TOP3A: variants seen among roughly 807,000 people sequenced by gnomAD.
TOP3A encodes DNA topoisomerase III alpha, also known as DNA topoisomerase 3-alpha.
TOP3A carries 64 observed loss-of-function variants against 111.3 expected under a neutral mutation model. The observed-to-expected ratio is 0.57, with a 90% CI of 0.47 to 0.71. The LOEUF (loss-of-function observed/expected upper bound fraction) is 0.71, where lower values mean the gene tolerates loss of function less well. Among genes scored for constraint, TOP3A ranks in the 30% least tolerant of loss-of-function variants. The pLI, the probability that TOP3A is intolerant of heterozygous loss-of-function variation, is 0.00. For synonymous variants in TOP3A, 484 were observed against 485.1 expected (o/e 1.00, Z 0.03); for missense variants, 1,104 against 1,285.0 (o/e 0.86, Z 2.15).
Position 18,306,916 on chromosome 17 carries a change from C to A in TOP3A, c.365G>T (p.Cys122Phe). 1 of 1,613,794 alleles carries A rather than the reference C, an allele frequency of 6.2e-7. No homozygotes were observed. Among genetic ancestry groups the A allele is most frequent in the East Asian group, 2.2e-5 (1 of 44,868 alleles). The change falls in exon 4 of 19, where the codon TGC (cysteine) becomes TTC (phenylalanine). Residue 122 changes from cysteine (C) to phenylalanine (F), a missense_variant. Coordinates refer to ENST00000321105, the MANE Select transcript of TOP3A (RefSeq NM_004618.5). ...CTTGATGTCTACAAAATTCTCTGGG[C>A]AGTACTTTTCAATTTCTGCTTCAAA... ...VLFEAEIEKY[C>F]PENFVDIKKT...
At chr17:18,302,473 G>A (rs1486805797) in intron 6 of TOP3A, 39 bp from the exon 7 acceptor site, 1 of 1,595,514 alleles carries the variant, frequency 6.3e-7, no homozygotes, top group Non-Finnish European at 8.6e-7. Context: ...TGAAAATGAT[G>A]GATAATGAGA....
Position 18,282,830 on chromosome 17 carries a change from G to C in TOP3A, c.1889C>G (p.Ala630Gly), listed in dbSNP as rs754132499. ...AVAKAKKLDE[A>G]LAQYFGNGTE... is the part of the protein sequence containing the mutation. The stretch of plus-strand genomic sequence containing the variant: ...CCCATTCCCAAAGTACTGGGCCAAG[G>C]CCTCGTCCAATCTGAAGAAAAGGCA... Residue 630 changes from alanine to glycine, a missense_variant, in exon 16 of 19, where the codon GCC (alanine) becomes GGC (glycine). Physicochemically the swap from Ala to Gly is moderately conservative, Grantham distance 60. Transcript: ENST00000321105. The C allele has an allele frequency of 2.5e-6, 4 of 1,613,946 alleles. No homozygotes were observed. Among genetic ancestry groups the C allele is most frequent in the Admixed American group, 1.7e-5 (1 of 59,996 alleles).
rs150782687 is a variant in TOP3A, at chr17:18,278,336, G to A, written c.2166C>T (p.Arg722=). ...GAGGCATGGTCGGGGGAAGGCTACC[G>A]CGCTTAAACTTTAACTTTAACCTAG... ...PVYRLKLKFK[R]GSLPPTMPLE... Residue 722 remains arginine (R), a synonymous_variant, in exon 18 of 19, where the codon CGC becomes CGT. Transcript: ENST00000321105. 1.9e-4 allele frequency: 285 copies of A among 1,513,488 alleles called. 2 individuals carry two copies. In the African/African-American group the frequency reaches 3.1e-3, roughly 16 times the overall value. The allele number at this position is 1,513,488 out of a possible 1,614,324, so 93.8% of individuals were successfully genotyped here.
intron 13 of TOP3A, among the ~76,000 whole-genome samples, chr17:18,289,819 T>C (rs1333719970): frequency 5.9e-5 from 9 of 152,230 alleles, no homozygotes; most frequent in South Asian, 2.1e-4. Context: ...TCCCAAGTCA[T>C]AGGCCTAAGA....
chr17:18,310,273 A>C lies in TOP3A; in HGVS notation c.181-1332T>G, dbSNP rs556069586. Among the ~76,000 whole-genome samples, 357 of 151,910 alleles carry C rather than the reference A, an allele frequency of 2.4e-3. 2 individuals are homozygous for C. The highest frequency in any genetic ancestry group is 4.1e-3 in the Non-Finnish European group (280 of 67,958). ...AACCCTGTCTCTACTAAAAATACAA[A>C]AAATTAGCTGGGCGTGGTGGTGGGT... On this transcript the variant is annotated intron_variant, in intron 1 of 18. Transcript: ENST00000321105.
chr17:18,295,518 G>A (rs1166343404), intron 9 of TOP3A, among the ~76,000 whole-genome samples: 1 of 152,138 alleles, frequency 6.6e-6, no homozygotes, highest in Non-Finnish European at 1.5e-5. Context: ...CTGCAGGGCA[G>A]TGGCACGATC....
chr17:18,279,731 A>G (rs1001287879), intron 17 of TOP3A, among the ~76,000 whole-genome samples: 3 of 152,108 alleles, frequency 2.0e-5, no homozygotes. Flanking sequence ...CTGTCATTCC[A>G]GGCTGGAGAG....
chr17:18,307,336 C>T (rs1427437361), intron 3 of TOP3A: 2 of 164,194 alleles, frequency 1.2e-5, no homozygotes, highest in Non-Finnish European at 2.7e-5. Context: ...TGGTAGCTCA[C>T]GCCTGTAATC....
At chr17:18,298,389 C>T (rs1597977051) in intron 9 of TOP3A, among the ~76,000 whole-genome samples, 1 of 142,536 alleles carries the variant, frequency 7.0e-6, no homozygotes, top group South Asian at 2.2e-4. Flanking sequence ...GTGGGGGGGT[C>T]AGCCCCCCAC....
intron 1 of TOP3A, among the ~76,000 whole-genome samples, chr17:18,309,766 G>A (rs1172452934): frequency 7.1e-6 from 1 of 141,178 alleles, no homozygotes; most frequent in Non-Finnish European, 1.5e-5. Flanking sequence ...CTGGAGTCCA[G>A]TGGCGTGATC....
At chr17:18,298,797 G>A (rs906807659) in intron 9 of TOP3A, among the ~76,000 whole-genome samples, 3 of 152,138 alleles carry the variant, frequency 2.0e-5, no homozygotes, top group African/African-American at 7.2e-5. Context: ...ATCCACTCAG[G>A]GTTGAATGAA....
chr17:18,300,025 G>A (rs1981127066), intron 8 of TOP3A, among the ~76,000 whole-genome samples: 1 of 152,128 alleles, frequency 6.6e-6, no homozygotes, highest in African/African-American at 2.4e-5. Flanking sequence ...GAAGTCCTGG[G>A]CTCAAGCAAT....
At chr17:18,314,174 G>T (rs890473058) in intron 1 of TOP3A, among the ~76,000 whole-genome samples, 4 of 152,200 alleles carry the variant, frequency 2.6e-5, no homozygotes, top group Admixed American at 1.3e-4. Context: ...GGAGGGCTAG[G>T]TTGGCTGGGG....
chr17:18,302,282 T>C lies in TOP3A; in HGVS notation c.796A>G (p.Ile266Val). 1 of 1,610,770 alleles carries C rather than the reference T, an allele frequency of 6.2e-7. No individual in the cohort carries two copies. The highest frequency in any genetic ancestry group is 8.5e-7 in the Non-Finnish European group (1 of 1,179,252). The change falls in exon 7 of 19, where the codon ATC becomes GTC. Residue 266 changes from isoleucine to valine, a missense_variant. Ile to Val is a conservative substitution (Grantham distance 29, BLOSUM62 3). Transcript: ENST00000321105. ...GCCCTACCTTTAATTCTGTGGAAGA[T>C]TTCTGGTACAAAAGCCTGAATGGCT... ...FKAIQAFVPE[I>V]FHRIKVTHDH...
chr17:18,296,866 G>A (rs982397455), intron 9 of TOP3A, among the ~76,000 whole-genome samples: 2 of 152,106 alleles, frequency 1.3e-5, no homozygotes, highest in Admixed American at 1.3e-4. Flanking sequence ...GGCTCTTTCT[G>A]GGGTCAAATA....
Position 18,292,719 on chromosome 17 carries a change from T to G in TOP3A, c.1207A>C (p.Thr403Pro). 1 of 1,610,896 alleles carries G rather than the reference T, an allele frequency of 6.2e-7. No homozygotes were observed. The highest frequency in any genetic ancestry group is 8.5e-7 in the Non-Finnish European group (1 of 1,177,864). Reference protein sequence around the residue: ...AQSILERGGPTPRNGNKSDQA... With the variant: ...AQSILERGGPPPRNGNKSDQA... Reference sequence around the variant, plus strand: ...TCAGACTTGTTCCCATTGCGTGGGGTGGGACCACCCCGCTCTAGAATGCTC... The same window carrying G: ...TCAGACTTGTTCCCATTGCGTGGGGGGGGACCACCCCGCTCTAGAATGCTC... Residue 403 changes from threonine (T) to proline (P), a missense_variant, in exon 11 of 19, where the codon ACC (threonine) becomes CCC (proline). Thr to Pro is a conservative substitution (Grantham distance 38). Transcript: ENST00000321105.
chr17:18,308,743 A>G, intron 2 of TOP3A, 139 bp downstream of exon 2: 1 of 523,616 alleles, frequency 1.9e-6, no homozygotes, highest in Non-Finnish European at 3.3e-6. Flanking sequence ...TAAATTATAA[A>G]GTGATCACCC....
intron 5 of TOP3A, among the ~76,000 whole-genome samples, chr17:18,304,685 T>C (rs1981447182): frequency 6.6e-6 from 1 of 152,242 alleles, no homozygotes; most frequent in South Asian, 2.1e-4. Context: ...ATATTCAATA[T>C]GTAATTTTAT....
chr17:18,285,421 ATGCCCAGG>A lies in TOP3A; in HGVS notation c.1689_1696del (p.Leu564GlyfsTer7). 6.2e-7 allele frequency: 1 copy of A among 1,613,986 alleles called. No individual in the cohort carries two copies. The highest frequency in any genetic ancestry group is 8.5e-7 in the Non-Finnish European group (1 of 1,179,980). On this transcript the variant is annotated frameshift_variant, in exon 14 of 19. Coordinates refer to ENST00000321105, the MANE Select transcript of TOP3A (RefSeq NM_004618.5). LOFTEE classifies it high-confidence loss of function. ...TCCTCCCTTACCTTCCACAAGTCCC[ATGCCCAGG>A]TGCCCAGGGAGGAACCGCTTGTCTG...
Sources: allele counts gnomAD v4.1 joint callset (sites outside exome capture counted in the v4.1 genomes callset), GRCh38; gene constraint gnomAD v4.1.1; transcripts MANE v1.5; gene names NCBI Gene and HGNC (gene_info 2026-07-23, HGNC 2026-07-21).